The following PPP1R1C variants were observed in gnomAD, a reference collection of about 807,000 sequenced individuals.
PPP1R1C encodes the protein protein phosphatase 1 regulatory inhibitor subunit 1C.
PPP1R1C carries 15 observed loss-of-function variants against 17.4 expected under a neutral mutation model. The observed-to-expected ratio is 0.86, with a 90% confidence interval of 0.58 to 1.33. PPP1R1C has a LOEUF of 1.33. PPP1R1C is among the 40% of genes most tolerant of loss of function. The pLI is 0.00. For missense variants in PPP1R1C, 143 were observed against 130.0 expected (o/e 1.10, Z -0.48); for synonymous variants, 35 against 43.1 (o/e 0.81, Z 0.73).
intron 2 of PPP1R1C, among the ~76,000 whole-genome samples, chr2:182,030,374 T>C (rs1418797345): frequency 2.0e-5 from 3 of 152,110 alleles, no homozygotes; most frequent in Admixed American, 1.3e-4. Flanking sequence ...ATGAGGGTGA[T>C]GTACAGATGG....
chr2:182,082,000 A>C (rs546041559), intron 4 of PPP1R1C, among the ~76,000 whole-genome samples: 1 of 152,278 alleles, frequency 6.6e-6, no homozygotes, highest in African/African-American at 2.4e-5. Context: ...TTTTAAAAAA[A>C]GGTCTTTTTT....
chr2:182,045,682 A>G (rs1416573903), intron 2 of PPP1R1C, among the ~76,000 whole-genome samples: 1 of 152,174 alleles, frequency 6.6e-6, no homozygotes, highest in East Asian at 1.9e-4. Context: ...GTTTACTCAT[A>G]ATAGTGATAC....
chr2:182,095,450 C>T (rs1329006716), intron 4 of PPP1R1C, among the ~76,000 whole-genome samples: 1 of 152,206 alleles, frequency 6.6e-6, no homozygotes, highest in Non-Finnish European at 1.5e-5. Context: ...ATATGGTCGT[C>T]ATTTACAAAG....
At chr2:181,989,849 C>T (rs1159810808) in intron 2 of PPP1R1C, among the ~76,000 whole-genome samples, 3 of 152,100 alleles carry the variant, frequency 2.0e-5, no homozygotes, top group Non-Finnish European at 4.4e-5. Context: ...GAATAGTCTA[C>T]AAAGAATTAA....
intron 2 of PPP1R1C, 137 bp downstream of exon 2, chr2:181,988,036 T>C: frequency 3.0e-6 from 2 of 656,236 alleles, no homozygotes; most frequent in Non-Finnish European, 5.2e-6. Context: ...ATCTATAAAA[T>C]GGATCGTAAA....
chr2:182,121,017 G>A (rs1559101565), downstream of PPP1R1C, among the ~76,000 whole-genome samples: 3 of 152,184 alleles, frequency 2.0e-5, no homozygotes, highest in East Asian at 5.8e-4. Flanking sequence ...AACCAGTTGA[G>A]ATAATGGCTT....
At chr2:182,128,457 AT>A (rs2125244108) in intron 5 of PPP1R1C, among the ~76,000 whole-genome samples, 1 of 152,108 alleles carries the variant, frequency 6.6e-6, no homozygotes, top group East Asian at 1.9e-4. Flanking sequence ...CTCCTTTCTA[AT>A]TTTCTTTCAA....
At chr2:182,060,530 CATATAT>C (rs1285551729) in intron 2 of PPP1R1C, among the ~76,000 whole-genome samples, 1 of 152,034 alleles carries the variant, frequency 6.6e-6, no homozygotes, top group South Asian at 2.1e-4. Flanking sequence ...GTCTTCTATG[CATATAT>C]ATATCACTTT....
intron 2 of PPP1R1C, among the ~76,000 whole-genome samples, chr2:181,990,521 CAA>C (rs932905434): frequency 2.4e-4 from 37 of 152,208 alleles, no homozygotes; most frequent in African/African-American, 8.9e-4. Flanking sequence ...TAGTAATGAT[CAA>C]AAGAGTTACC....
Position 181,962,331 on chromosome 2 carries a change from G to A in PPP1R1C, n.111+7697G>A, listed in dbSNP as rs1364632842. 1.5e-5 allele frequency: 14 copies of A among 932,984 alleles called. No homozygotes were observed. The highest frequency in any genetic ancestry group is 5.7e-5 in the Admixed American group (3 of 52,864). The allele number at this position is 932,984 out of a possible 1,614,324, so 57.8% of individuals were successfully genotyped here. ...ATGCCACCCCGGAAGCTGGTGGAGC[G>A]GGACACGGATATCCGGGAACCAGAG... On this transcript the variant is annotated intron_variant and non_coding_transcript_variant, in intron 1 of 5. Transcript: ENST00000464264. This position sits in a 1 kb window ranked among gnomAD's most constrained non-coding sequence, Gnocchi z 6.0.
chr2:181,990,596 G>A (rs554471827), intron 2 of PPP1R1C, among the ~76,000 whole-genome samples: 1 of 152,208 alleles, frequency 6.6e-6, no homozygotes, highest in African/African-American at 2.4e-5. Context: ...TGATGTGTTC[G>A]GGAATACAAT....
chr2:182,034,723 C>A (rs1686951069), intron 2 of PPP1R1C, among the ~76,000 whole-genome samples: 1 of 152,078 alleles, frequency 6.6e-6, no homozygotes, highest in Non-Finnish European at 1.5e-5. Flanking sequence ...GGGCAGGCCA[C>A]AAGTAGATCC....
At position 182,059,714 on chromosome 2, in the gene PPP1R1C, T is replaced by TCAA. The variant is rs777479217; in HGVS notation, c.143-1703_143-1701dup. Among the ~76,000 whole-genome samples, 798 of 149,596 alleles carry TCAA rather than the reference T, an allele frequency of 5.3e-3. 7 individuals are homozygous for TCAA. Among genetic ancestry groups the TCAA allele is most frequent in the South Asian group, 0.028 (135 of 4,810 alleles). Reference sequence around the variant, plus strand: ...AAATAATTGATTTTATCAGCAGAACTCAACAACAACAACAACAACAACAAC... The same window carrying TCAA: ...AAATAATTGATTTTATCAGCAGAACTCAACAACAACAACAACAACAACAACAAC... On this transcript the variant is annotated intron_variant, in intron 2 of 4. Coordinates refer to ENST00000682840, the MANE Select transcript of PPP1R1C (RefSeq NM_001080545.3).
At chr2:182,048,169 C>A (rs1317843691) in intron 2 of PPP1R1C, among the ~76,000 whole-genome samples, 2 of 152,174 alleles carry the variant, frequency 1.3e-5, no homozygotes, top group African/African-American at 4.8e-5. Flanking sequence ...TTACCATTTT[C>A]TTCTTTTCTC....
intron 4 of PPP1R1C, among the ~76,000 whole-genome samples, chr2:182,077,360 T>C (rs1688345100): frequency 6.6e-6 from 1 of 152,190 alleles, no homozygotes; most frequent in African/African-American, 2.4e-5. Context: ...TTAATTAACA[T>C]ATAAATGTTT....
intron 2 of PPP1R1C, among the ~76,000 whole-genome samples, chr2:182,020,810 T>C (rs1428085790): frequency 1.3e-5 from 2 of 152,180 alleles, no homozygotes; most frequent in African/African-American, 4.8e-5. Context: ...TTTCTGGCTG[T>C]TTATGAGTCA....
At position 181,976,701 on chromosome 2, in the gene PPP1R1C, C is replaced by A. The variant is rs1303823192; in HGVS notation, n.157+1437C>A. ...TCTTTCCCCTCTGGCTACCTCCTTG[C>A]AGCCCAGGACATATTCAAGTCTGGT... On this transcript the variant is annotated intron_variant and non_coding_transcript_variant, in intron 2 of 5. Transcript: ENST00000464264. The surrounding 1 kb of genome is among the most constrained non-coding windows in gnomAD (Gnocchi z 4.8). Among the ~76,000 whole-genome samples the A allele has an allele frequency of 6.6e-6, 1 of 152,158 alleles. No individual in the cohort carries two copies. Among genetic ancestry groups the A allele is most frequent in the East Asian group, 1.9e-4 (1 of 5,198 alleles).
At chr2:182,008,088 T>TAAAA (rs748126131) in intron 2 of PPP1R1C, among the ~76,000 whole-genome samples, 249 of 128,570 alleles carry the variant, frequency 1.9e-3, no homozygotes, top group African/African-American at 6.0e-3. Context: ...AACAAATAAA[T>TAAAA]AAAAAAATAA....
chr2:181,959,424 A>G lies in PPP1R1C; in HGVS notation n.111+4790A>G, dbSNP rs560912502. Among the ~76,000 whole-genome samples, 14 of 152,274 alleles carry G rather than the reference A, an allele frequency of 9.2e-5. No homozygotes were observed. The South Asian group carries it at 2.5e-3, about 27-fold the overall frequency. On this transcript the variant is annotated intron_variant and non_coding_transcript_variant, in intron 1 of 5. Coordinates refer to the PPP1R1C transcript ENST00000464264. ...TCATATTGTGTATTGTGAGTAATTA[A>G]TGGTTATGTCTATTTAAATTTGCTT...
Sources: gnomAD v4.1 joint callset for allele counts (sites outside exome capture counted in the v4.1 genomes callset) on GRCh38, gnomAD v4.1.1 for gene constraint, Gnocchi (gnomAD v3.1) non-coding constraint, MANE v1.5 for transcripts, NCBI Gene and HGNC (gene_info 2026-07-23, HGNC 2026-07-21) for gene names.